The following TBC1D5 variants were observed in gnomAD, a reference collection of about 807,000 sequenced individuals.
The protein encoded by TBC1D5 is TBC1 domain family member 5.
Under a neutral mutation model 100.3 loss-of-function variants are expected in TBC1D5, and 75 were observed. The ratio of observed to expected loss-of-function variants is 0.75; its 90% CI spans 0.62 to 0.91. TBC1D5 has a LOEUF of 0.91. Ranked by LOEUF, TBC1D5 falls within the 40% of genes least tolerant of loss-of-function variation. The pLI is 0.00. For missense variants in TBC1D5, 910 were observed against 942.4 expected (o/e 0.97, Z 0.45); for synonymous variants, 323 against 325.6 (o/e 0.99, Z 0.09).
At chr3:17,484,208 A>G (rs915101030) in intron 3 of TBC1D5, among the ~76,000 whole-genome samples, 1 of 152,202 alleles carries the variant, frequency 6.6e-6, no homozygotes, top group South Asian at 2.1e-4. Context: ...ATGATGTGCA[A>G]TAGAGTACTA....
At chr3:17,590,018 G>A (rs906840520) in intron 2 of TBC1D5, among the ~76,000 whole-genome samples, 7 of 152,188 alleles carry the variant, frequency 4.6e-5, no homozygotes, top group Non-Finnish European at 1.0e-4. Flanking sequence ...GGCACAGCAA[G>A]TGCAAAGGTC....
intron 15 of TBC1D5, among the ~76,000 whole-genome samples, chr3:17,262,786 T>G (rs2149499612): frequency 6.6e-6 from 1 of 151,898 alleles, no homozygotes; most frequent in Admixed American, 6.6e-5. Flanking sequence ...CGGCCGACAA[T>G]GTATTTTTTT....
intron 2 of TBC1D5, among the ~76,000 whole-genome samples, chr3:17,581,153 A>T (rs977608336): frequency 6.6e-6 from 1 of 151,456 alleles, no homozygotes; most frequent in African/African-American, 2.4e-5. Context: ...CCCTGCACAC[A>T]CTCTCTTGCC....
At chr3:17,710,430 G>A (rs140924786) in intron 1 of TBC1D5, among the ~76,000 whole-genome samples, 94 of 152,112 alleles carry the variant, frequency 6.2e-4, no homozygotes, top group Non-Finnish European at 1.1e-3. Flanking sequence ...AGGGTATGGT[G>A]CCGCATGATT....
At chr3:17,627,650 A>G (rs1162011467) in intron 1 of TBC1D5, among the ~76,000 whole-genome samples, 2 of 151,856 alleles carry the variant, frequency 1.3e-5, no homozygotes, top group Non-Finnish European at 2.9e-5. Flanking sequence ...ACAATTTTTA[A>G]ATATTCTGGG....
chr3:17,306,893 A>C (rs1470347499), intron 14 of TBC1D5, among the ~76,000 whole-genome samples: 4 of 152,130 alleles, frequency 2.6e-5, no homozygotes, highest in Admixed American at 2.6e-4. Flanking sequence ...GTTTCCTCTT[A>C]CGACTTCCAT....
chr3:17,638,815 G>C (rs1351821371), intron 1 of TBC1D5, among the ~76,000 whole-genome samples: 2 of 151,870 alleles, frequency 1.3e-5, no homozygotes, highest in Admixed American at 6.6e-5. Flanking sequence ...ATAATATTGA[G>C]AGAAAATTTT....
intron 1 of TBC1D5, among the ~76,000 whole-genome samples, chr3:17,626,210 T>C (rs1033081730): frequency 2.0e-5 from 3 of 152,094 alleles, no homozygotes; most frequent in African/African-American, 7.2e-5. Context: ...GTTTTCTGAT[T>C]GTCAAAAAAA....
chr3:17,585,755 T>G (rs2096728713), intron 2 of TBC1D5, among the ~76,000 whole-genome samples: 1 of 152,164 alleles, frequency 6.6e-6, no homozygotes, highest in African/African-American at 2.4e-5. Flanking sequence ...AATAATATAA[T>G]ATAGCATACA....
At chr3:17,182,323 G>A (rs1480032828) in intron 19 of TBC1D5, among the ~76,000 whole-genome samples, 1 of 152,156 alleles carries the variant, frequency 6.6e-6, no homozygotes, top group Non-Finnish European at 1.5e-5. Flanking sequence ...AAAGTGAAAC[G>A]TACACACAAA....
intron 1 of TBC1D5, among the ~76,000 whole-genome samples, chr3:17,627,928 T>TC (rs1393875667): frequency 6.6e-6 from 1 of 152,168 alleles, no homozygotes; most frequent in Non-Finnish European, 1.5e-5. Context: ...TCGTATTTTT[T>TC]CACATCTGCA....
chr3:17,341,466 G>T (rs1311975108), intron 13 of TBC1D5, among the ~76,000 whole-genome samples: 1 of 152,178 alleles, frequency 6.6e-6, no homozygotes, highest in Non-Finnish European at 1.5e-5. Context: ...AAAGTCCTGG[G>T]ATTACAGGCG....
intron 4 of TBC1D5, among the ~76,000 whole-genome samples, chr3:17,408,859 GC>G (rs2093846070): frequency 6.6e-6 from 1 of 151,910 alleles, no homozygotes; most frequent in African/African-American, 2.4e-5. Flanking sequence ...GTAATTCTTA[GC>G]CACTCCAACA....
Position 17,252,644 on chromosome 3 carries a change from C to T in TBC1D5, c.1331+5862G>A, listed in dbSNP as rs186956391. ...CAAGAAAGCCTAGCGGCCAATAATT[C>T]CCCATCTCTACCAGGGATCAGGATC... On this transcript the variant is annotated intron_variant, in intron 16 of 21. Transcript: ENST00000253692. Among the ~76,000 whole-genome samples the T allele has an allele frequency of 4.7e-3, 720 of 152,288 alleles. 3 individuals carry two copies. Among genetic ancestry groups the T allele is most frequent in the Non-Finnish European group, 7.4e-3 (505 of 68,034 alleles).
chr3:17,591,267 C>A (rs9755281), intron 2 of TBC1D5, among the ~76,000 whole-genome samples: 40,695 of 75,818 alleles, frequency 0.54, 8,706 homozygotes, highest in Non-Finnish European at 0.59. Flanking sequence ...AAAAAAAAAA[C>A]AAAAACCCCA....
At chr3:17,326,877 T>C (rs957494875) in intron 13 of TBC1D5, among the ~76,000 whole-genome samples, 3 of 152,220 alleles carry the variant, frequency 2.0e-5, no homozygotes, top group Non-Finnish European at 4.4e-5. Flanking sequence ...ATCAACCCTC[T>C]AGTTGCTCAG....
intron 17 of TBC1D5, among the ~76,000 whole-genome samples, chr3:17,234,875 A>T (rs2075735814): frequency 6.6e-6 from 1 of 152,158 alleles, no homozygotes; most frequent in South Asian, 2.1e-4. Context: ...TACCATCATC[A>T]TCAATTAACA....
chr3:17,582,444 GTAGT>G (rs1458371303), intron 2 of TBC1D5, among the ~76,000 whole-genome samples: 1 of 152,132 alleles, frequency 6.6e-6, no homozygotes, highest in East Asian at 1.9e-4. Context: ...TTCTGAAGTT[GTAGT>G]TAAAGGAATC....
intron 3 of TBC1D5, among the ~76,000 whole-genome samples, chr3:17,487,135 GTTTA>G (rs1370062686): frequency 6.6e-6 from 1 of 152,104 alleles, no homozygotes; most frequent in Non-Finnish European, 1.5e-5. Flanking sequence ...ACACCAATCT[GTTTA>G]TTTATTGTCT....
Sources: gnomAD v4.1 joint callset for allele counts (sites outside exome capture counted in the v4.1 genomes callset) on GRCh38, gnomAD v4.1.1 for gene constraint, MANE v1.5 for transcripts, NCBI Gene and HGNC (gene_info 2026-07-23, HGNC 2026-07-21) for gene names.